ALG6: variants seen among roughly 807,000 people sequenced by gnomAD.
ALG6 encodes dolichyl pyrophosphate Man9GlcNAc2 alpha-1,3-glucosyltransferase.
In ALG6, 46 loss-of-function variants were observed where a neutral mutation model predicts 66.6. The ratio of observed to expected loss-of-function variants is 0.69; its 90% confidence interval spans 0.55 to 0.88. The LOEUF (loss-of-function observed/expected upper bound fraction) is 0.88. ALG6 is among the 40% of genes least tolerant of loss of function. The pLI, the probability that ALG6 is intolerant of heterozygous loss-of-function variation, is 0.00. For synonymous variants in ALG6, 185 were observed against 203.7 expected (o/e 0.91, Z 0.78); for missense variants, 505 against 586.8 (o/e 0.86, Z 1.44).
chr1:63,390,336 T>C (rs975781861), intron 2 of ALG6, among the ~76,000 whole-genome samples: 1 of 152,170 alleles, frequency 6.6e-6, no homozygotes, highest in Non-Finnish European at 1.5e-5. Flanking sequence ...AATGTGGGCC[T>C]CAGGACTCTG....
intron 7 of ALG6, among the ~76,000 whole-genome samples, chr1:63,407,774 T>C (rs1026188011): frequency 1.3e-5 from 2 of 150,544 alleles, no homozygotes; most frequent in African/African-American, 4.8e-5. Context: ...ATTAATAGCT[T>C]TTCCTTTTGA....
intron 2 of ALG6, among the ~76,000 whole-genome samples, chr1:63,378,829 CTG>C (rs1648213151): frequency 6.8e-6 from 1 of 147,896 alleles, no homozygotes; most frequent in Non-Finnish European, 1.5e-5. Context: ...ATTTGGTTTC[CTG>C]TTCATTAGTT....
intron 3 of ALG6, among the ~76,000 whole-genome samples, chr1:63,398,198 T>C (rs1401744586): frequency 1.3e-5 from 2 of 152,216 alleles, no homozygotes; most frequent in South Asian, 2.1e-4. Flanking sequence ...TTTCTATTGA[T>C]AGGTTGCCTG....
intron 11 of ALG6, 74 bp from the exon 12 acceptor site, chr1:63,419,296 T>G: frequency 8.3e-7 from 1 of 1,202,604 alleles, no homozygotes; most frequent in Non-Finnish European, 1.2e-6. Flanking sequence ...TGATTTTTAT[T>G]TAGATTCTAT....
intron 9 of ALG6, 56 bp from the exon 10 acceptor site, chr1:63,414,005 G>A: frequency 7.3e-7 from 1 of 1,367,596 alleles, no homozygotes; most frequent in Non-Finnish European, 1.0e-6. Flanking sequence ...TACTTCATGG[G>A]TTTTAATATT....
chr1:63,402,518 G>A (rs1484005447), intron 4 of ALG6, among the ~76,000 whole-genome samples, 175 bp downstream of exon 4: 6 of 141,974 alleles, frequency 4.2e-5, no homozygotes, highest in African/African-American at 1.3e-4. Flanking sequence ...CCAGGCTGGA[G>A]TGCAGTGGTA....
At chr1:63,368,699 C>T (rs1035724857) in intron 1 of ALG6, among the ~76,000 whole-genome samples, 1 of 152,064 alleles carries the variant, frequency 6.6e-6, no homozygotes, top group African/African-American at 2.4e-5. Flanking sequence ...TGGGGTTTCA[C>T]CATGTTGACC....
At chr1:63,369,639 G>GAA (rs71045898) in intron 1 of ALG6, among the ~76,000 whole-genome samples, 4 of 147,306 alleles carry the variant, frequency 2.7e-5, no homozygotes, top group Non-Finnish European at 6.0e-5. Flanking sequence ...CAAAAAAAAA[G>GAA]AAAAAAAAAC....
intron 10 of ALG6, 128 bp downstream of exon 10, chr1:63,414,274 C>T (rs1328617223): frequency 1.7e-5 from 11 of 650,478 alleles, no homozygotes; most frequent in Non-Finnish European, 1.8e-5. Flanking sequence ...TTTTTTGAGA[C>T]AGAGTCTGGC....
At chr1:63,413,822 GA>G in intron 9 of ALG6, 1 of 422,136 alleles carries the variant, frequency 2.4e-6, no homozygotes, top group Non-Finnish European at 4.4e-6. Flanking sequence ...AAGTATTTGG[GA>G]ATGTCTGGAT....
intron 2 of ALG6, among the ~76,000 whole-genome samples, chr1:63,389,446 A>G (rs1435894686): frequency 2.0e-5 from 3 of 152,078 alleles, no homozygotes; most frequent in African/African-American, 7.2e-5. Context: ...AATTATTTCC[A>G]TCTCTGTTAA....
intron 2 of ALG6, among the ~76,000 whole-genome samples, chr1:63,387,154 T>A (rs1648526621): frequency 1.3e-5 from 2 of 152,252 alleles, no homozygotes; most frequent in South Asian, 4.1e-4. Context: ...AAAGGATACC[T>A]GATATGATAT....
intron 2 of ALG6, among the ~76,000 whole-genome samples, chr1:63,375,490 C>T (rs1288542204): frequency 2.7e-5 from 4 of 148,426 alleles, no homozygotes; most frequent in South Asian, 2.2e-4. Flanking sequence ...AAACTCCTGA[C>T]CTTAGGTGAT....
intron 2 of ALG6, among the ~76,000 whole-genome samples, chr1:63,386,217 A>G (rs1208335620): frequency 6.6e-6 from 1 of 151,980 alleles, no homozygotes; most frequent in Non-Finnish European, 1.5e-5. Context: ...ACAGTTTGCT[A>G]GTATTTTGTT....
chr1:63,372,239 C>T (rs1278868376), intron 2 of ALG6, among the ~76,000 whole-genome samples: 3 of 151,546 alleles, frequency 2.0e-5, no homozygotes, highest in Non-Finnish European at 4.4e-5. Context: ...ATTAGCTGGG[C>T]AAATTATTTC....
At chr1:63,425,993 C>A (rs940869946) in intron 12 of ALG6, among the ~76,000 whole-genome samples, 1 of 151,694 alleles carries the variant, frequency 6.6e-6, no homozygotes, top group Non-Finnish European at 1.5e-5. Flanking sequence ...TAAAGTATGA[C>A]CGTAAGGGAC....
intron 5 of ALG6, 148 bp from the exon 6 acceptor site, chr1:63,406,169 A>G: frequency 1.4e-6 from 1 of 698,292 alleles, no homozygotes; most frequent in Non-Finnish European, 2.6e-6. Flanking sequence ...GAAGGGATTG[A>G]AAAGTGCTGA....
intron 2 of ALG6, among the ~76,000 whole-genome samples, chr1:63,376,394 A>T (rs1648129240): frequency 6.6e-6 from 1 of 152,196 alleles, no homozygotes; most frequent in Non-Finnish European, 1.5e-5. Flanking sequence ...TCAAATAACT[A>T]ATCTGAGCTT....
At chr1:63,403,123 ACTAT>A (rs1644473803) in intron 4 of ALG6, among the ~76,000 whole-genome samples, 1 of 148,678 alleles carries the variant, frequency 6.7e-6, no homozygotes, top group Non-Finnish European at 1.5e-5. Flanking sequence ...AAAAAAAAGA[ACTAT>A]CAAAGTTTGA....
Sources: allele counts gnomAD v4.1 joint callset (sites outside exome capture counted in the v4.1 genomes callset), GRCh38; gene constraint gnomAD v4.1.1; transcripts MANE v1.5; gene names NCBI Gene and HGNC (gene_info 2026-07-23, HGNC 2026-07-21).